Variants in TNKS observed in about 807,000 individuals in gnomAD.
TNKS encodes tankyrase, also known as poly [ADP-ribose] polymerase tankyrase-1.
In TNKS, 72 loss-of-function variants were observed where a neutral mutation model predicts 135.8. That is an observed-to-expected ratio of 0.53 (90% CI 0.44 to 0.64). The LOEUF (loss-of-function observed/expected upper bound fraction) is 0.64, where lower values mean the gene tolerates loss of function less well. Among genes scored for constraint, TNKS ranks in the 30% least tolerant of loss-of-function variants. The pLI is 0.00. For missense variants in TNKS, 1,769 were observed against 1,674.0 expected, an observed-to-expected ratio of 1.06 and a Z score of -0.99; for synonymous variants, 849 against 649.3, an observed-to-expected ratio of 1.31 and a Z score of -4.68.
chr8:9,579,899 A>G lies in TNKS; in HGVS notation c.674-260A>G, dbSNP rs182811373. 1.2e-4 allele frequency among the ~76,000 whole-genome samples: 18 copies of G among 152,212 alleles called. No individual in the cohort carries two copies. The East Asian group carries it at 1.5e-3, about 13-fold the overall frequency. The stretch of plus-strand genomic sequence containing the variant: ...GTCATATTTATTTTGTGTTTCTAGC[A>G]CTGTTGCACAGCACATATTAAGTGT... On this transcript the variant is annotated intron_variant, in intron 1 of 26. Transcript: ENST00000310430.
chr8:9,673,602 C>G (rs1015364235), intron 3 of TNKS, among the ~76,000 whole-genome samples: 1 of 151,882 alleles, frequency 6.6e-6, no homozygotes. Flanking sequence ...TGCCACCACG[C>G]CCAGCTAATT....
intron 5 of TNKS, 86 bp from the exon 6 acceptor site, chr8:9,704,577 C>T: frequency 4.5e-6 from 5 of 1,111,266 alleles, no homozygotes; most frequent in Non-Finnish European, 6.7e-6. Flanking sequence ...TGTCAACTTT[C>T]ATTGTGTTTA....
intron 26 of TNKS, 149 bp from the exon 27 acceptor site, chr8:9,776,501 A>T: frequency 1.6e-6 from 1 of 634,380 alleles, no homozygotes; most frequent in East Asian, 2.7e-5. Flanking sequence ...TAAGTAGGTG[A>T]ACCTCAAATT....
At chr8:9,691,743 T>G (rs1459155325) in intron 5 of TNKS, among the ~76,000 whole-genome samples, 1 of 152,210 alleles carries the variant, frequency 6.6e-6, no homozygotes, top group African/African-American at 2.4e-5. Context: ...GCCCAAATTT[T>G]AGCTGTTATT....
chr8:9,717,101 A>ATATATATATATATATATATAT (rs1454492300), intron 11 of TNKS, among the ~76,000 whole-genome samples: 4 of 119,336 alleles, frequency 3.4e-5, no homozygotes, highest in Admixed American at 1.7e-4. Flanking sequence ...ATATATATAT[A>ATATATATATATATATATATAT]TTTTCAGGGA....
At chr8:9,630,555 C>T (rs184463028) in intron 3 of TNKS, among the ~76,000 whole-genome samples, 1 of 152,074 alleles carries the variant, frequency 6.6e-6, no homozygotes, top group Non-Finnish European at 1.5e-5. Flanking sequence ...TAGATAGTTA[C>T]AAAAAACCCC....
At chr8:9,575,333 C>T (rs1797907006) in intron 1 of TNKS, 1 of 922,168 alleles carries the variant, frequency 1.1e-6, no homozygotes, top group Non-Finnish European at 1.3e-6. Context: ...GATCCGCCTG[C>T]TTCGGCCTCC....
chr8:9,648,863 C>T (rs551385400), intron 3 of TNKS, among the ~76,000 whole-genome samples: 3 of 150,980 alleles, frequency 2.0e-5, no homozygotes, highest in South Asian at 2.1e-4. Flanking sequence ...AACACCATTG[C>T]GATGACAGAG....
At chr8:9,657,786 C>A (rs1801477618) in intron 3 of TNKS, among the ~76,000 whole-genome samples, 1 of 150,726 alleles carries the variant, frequency 6.6e-6, no homozygotes, top group Non-Finnish European at 1.5e-5. Flanking sequence ...GGGCTGACCC[C>A]CCCACCTCCC....
At chr8:9,592,979 A>C (rs930408289) in intron 2 of TNKS, among the ~76,000 whole-genome samples, 3 of 152,218 alleles carry the variant, frequency 2.0e-5, no homozygotes, top group Non-Finnish European at 4.4e-5. Context: ...TAGGATGGGC[A>C]GTTGAATATT....
intron 3 of TNKS, among the ~76,000 whole-genome samples, chr8:9,657,293 G>A (rs1475000323): frequency 1.2e-4 from 7 of 60,038 alleles, no homozygotes; most frequent in South Asian, 6.5e-4. Flanking sequence ...CTGGCCGGGC[G>A]GGGGGCCGAC....
chr8:9,598,592 A>G (rs1798880265), intron 2 of TNKS, among the ~76,000 whole-genome samples: 1 of 150,802 alleles, frequency 6.6e-6, no homozygotes, highest in Non-Finnish European at 1.5e-5. Context: ...GCTACTCGGG[A>G]GGCTGAGGTG....
intron 15 of TNKS, among the ~76,000 whole-genome samples, chr8:9,734,097 C>T (rs1158012928): frequency 6.6e-6 from 1 of 152,034 alleles, no homozygotes; most frequent in Non-Finnish European, 1.5e-5. Flanking sequence ...TCTCCCTTCA[C>T]TTTTATGATA....
At chr8:9,674,851 G>A (rs963382909) in intron 3 of TNKS, among the ~76,000 whole-genome samples, 1 of 152,166 alleles carries the variant, frequency 6.6e-6, no homozygotes, top group Non-Finnish European at 1.5e-5. Context: ...GTTTAGAATG[G>A]ATGTTCAGTG....
At chr8:9,638,082 C>T (rs1398827923) in intron 3 of TNKS, among the ~76,000 whole-genome samples, 3 of 152,296 alleles carry the variant, frequency 2.0e-5, no homozygotes, top group South Asian at 4.1e-4. Context: ...TATCCTCCCA[C>T]CTCAGCCTCC....
chr8:9,556,918 A>T (rs767929886), intron 1 of TNKS: 8 of 528,104 alleles, frequency 1.5e-5, no homozygotes, highest in Non-Finnish European at 2.7e-5. Flanking sequence ...GCAGGAATAC[A>T]GTTAGATTTG....
At chr8:9,632,051 G>A (rs1369549059) in intron 3 of TNKS, among the ~76,000 whole-genome samples, 1 of 152,098 alleles carries the variant, frequency 6.6e-6, no homozygotes, top group African/African-American at 2.4e-5. Flanking sequence ...TGTATTCCCT[G>A]AAAGCTTAAT....
intron 11 of TNKS, among the ~76,000 whole-genome samples, chr8:9,716,739 C>T (rs1339607169): frequency 2.6e-5 from 4 of 151,812 alleles, no homozygotes; most frequent in Non-Finnish European, 4.4e-5. Flanking sequence ...TCTGAGGTTT[C>T]TTTTCTCTGC....
At chr8:9,714,896 A>C (rs1804528913) in intron 11 of TNKS, among the ~76,000 whole-genome samples, 1 of 152,250 alleles carries the variant, frequency 6.6e-6, no homozygotes, top group Non-Finnish European at 1.5e-5. Context: ...AGAGTATAAA[A>C]GAGTTTAAGA....
Sources: gnomAD v4.1 joint callset for allele counts (sites outside exome capture counted in the v4.1 genomes callset) on GRCh38, gnomAD v4.1.1 for gene constraint, MANE v1.5 for transcripts, NCBI Gene and HGNC (gene_info 2026-07-23, HGNC 2026-07-21) for gene names.